CDH8: variants seen among roughly 807,000 people sequenced by gnomAD.
The protein encoded by CDH8 is cadherin-8.
CDH8 carries 17 observed loss-of-function variants against 68.1 expected under a neutral mutation model. The ratio of observed to expected loss-of-function variants is 0.25; its 90% CI spans 0.17 to 0.37. The LOEUF is 0.37. CDH8 is among the 10% of genes least tolerant of loss of function. The pLI is 1.00. For missense variants in CDH8, 763 were observed against 999.3 expected (o/e 0.76, Z 3.19); for synonymous variants, 372 against 365.1 (o/e 1.02, Z -0.21).
At chr16:61,791,906 T>C (rs1961387811) in intron 7 of CDH8, among the ~76,000 whole-genome samples, 1 of 152,014 alleles carries the variant, frequency 6.6e-6, no homozygotes, top group Non-Finnish European at 1.5e-5. Flanking sequence ...TTCAATTTAT[T>C]TGCTGGTGAA....
chr16:62,022,599 G>A (rs1902101113), intron 1 of CDH8, among the ~76,000 whole-genome samples: 1 of 152,138 alleles, frequency 6.6e-6, no homozygotes, highest in African/African-American at 2.4e-5. Flanking sequence ...CAAGAGAGAA[G>A]CTTTGCTGAA....
At chr16:61,820,639 G>A (rs1962193441) in intron 6 of CDH8, among the ~76,000 whole-genome samples, 1 of 151,960 alleles carries the variant, frequency 6.6e-6, no homozygotes, top group Non-Finnish European at 1.5e-5. Context: ...CATAATTGAA[G>A]TGCCCTGTAC....
At chr16:61,979,071 A>G (rs1288174066) in intron 2 of CDH8, among the ~76,000 whole-genome samples, 1 of 151,722 alleles carries the variant, frequency 6.6e-6, no homozygotes, top group African/African-American at 2.4e-5. Flanking sequence ...AAAAAAAAGC[A>G]GAGAGAAATA....
intron 2 of CDH8, among the ~76,000 whole-genome samples, chr16:61,915,866 A>G (rs1964230859): frequency 6.6e-6 from 1 of 152,144 alleles, no homozygotes; most frequent in Non-Finnish European, 1.5e-5. Flanking sequence ...AACCTAGAAG[A>G]TGGAGGTAGA....
chr16:61,815,981 C>G (rs1322954638), intron 7 of CDH8, among the ~76,000 whole-genome samples: 2 of 151,992 alleles, frequency 1.3e-5, no homozygotes, highest in Non-Finnish European at 2.9e-5. Context: ...ATATTCCTCC[C>G]ATTGCATTCA....
chr16:61,698,599 C>G (rs1011305188), intron 10 of CDH8, among the ~76,000 whole-genome samples: 1 of 152,206 alleles, frequency 6.6e-6, no homozygotes. Context: ...GAGGCTCAGA[C>G]TCATTGCAAT....
rs12599673 is a variant in CDH8 at position 61,658,046 on chromosome 16, A to G, written c.1655-2325T>C. Among the ~76,000 whole-genome samples the G allele has an allele frequency of 2.6e-3, 397 of 152,210 alleles. 15 individuals are homozygous for G. The East Asian group carries it at 0.068, about 26-fold the overall frequency. On this transcript the variant is annotated intron_variant, in intron 10 of 11. Coordinates refer to ENST00000577390, the MANE Select transcript of CDH8 (RefSeq NM_001796.5). ...TTGCTAAATTTTACCTGCCAGTTCC[A>G]GGCAACATCAATTCCTTTTTTACCT...
chr16:61,678,129 G>GC (rs1297780473), intron 10 of CDH8, among the ~76,000 whole-genome samples: 1 of 151,842 alleles, frequency 6.6e-6, no homozygotes, highest in Non-Finnish European at 1.5e-5. Context: ...TCTCCCACCT[G>GC]CCCCTTGCTC....
intron 3 of CDH8, among the ~76,000 whole-genome samples, chr16:61,861,790 A>G (rs1963154449): frequency 9.3e-6 from 1 of 107,092 alleles, no homozygotes; most frequent in Non-Finnish European, 1.7e-5. Context: ...AGGAAGGTGA[A>G]CATTATTGTT....
chr16:61,752,456 C>G lies in CDH8; in HGVS notation c.1415-25241G>C, dbSNP rs564576915. ...TGAGATAATATAAGACAAAACTACT[C>G]TAAGTTTTAACAAAGAATTAGGCTT... On this transcript the variant is annotated intron_variant, in intron 8 of 11. Transcript: ENST00000577390. 2.0e-5 allele frequency among the ~76,000 whole-genome samples: 3 copies of G among 152,250 alleles called. No individual in the cohort carries two copies. The East Asian group carries it at 5.8e-4, about 29-fold the overall frequency.
At chr16:61,940,023 T>TCCC (rs1567536750) in intron 2 of CDH8, among the ~76,000 whole-genome samples, 2 of 152,228 alleles carry the variant, frequency 1.3e-5, no homozygotes, top group South Asian at 2.1e-4. Context: ...AGAGGTGCAT[T>TCCC]CCCTTCTTAG....
At position 61,655,739 on chromosome 16, in the gene CDH8, T is replaced by C; in HGVS notation, c.1655-18A>G. The C allele has an allele frequency of 6.2e-7, 1 of 1,608,456 alleles. No homozygotes were observed. Among genetic ancestry groups the C allele is most frequent in the Non-Finnish European group, 8.5e-7 (1 of 1,175,300 alleles). On this transcript the variant is annotated intron_variant, in intron 10 of 11. Coordinates refer to ENST00000577390, the MANE Select transcript of CDH8 (RefSeq NM_001796.5). ...GGAATTATCTGAAAAAAGTAAAAAT[T>C]ACAATAATTTGCATCATTTCAAAAT...
At chr16:61,914,287 A>T (rs1293879211) in intron 2 of CDH8, among the ~76,000 whole-genome samples, 1 of 152,208 alleles carries the variant, frequency 6.6e-6, no homozygotes, top group East Asian at 1.9e-4. Context: ...AAGCAAGCTC[A>T]TACATCTTCC....
At chr16:61,798,553 T>A (rs1567475239) in intron 7 of CDH8, among the ~76,000 whole-genome samples, 1 of 152,320 alleles carries the variant, frequency 6.6e-6, no homozygotes, top group East Asian at 1.9e-4. Context: ...TTCAATGAGC[T>A]GTATTTGGCT....
chr16:61,969,859 G>C (rs1965310966), intron 2 of CDH8, among the ~76,000 whole-genome samples: 2 of 152,204 alleles, frequency 1.3e-5, no homozygotes, highest in South Asian at 4.1e-4. Flanking sequence ...ATAGGTGTGT[G>C]ACTCAAAGCC....
chr16:61,781,650 G>A (rs1301556030), intron 8 of CDH8, among the ~76,000 whole-genome samples: 1 of 152,070 alleles, frequency 6.6e-6, no homozygotes, highest in Non-Finnish European at 1.5e-5. Flanking sequence ...CAGTATATGT[G>A]AAAATTCTTT....
chr16:61,758,136 C>A (rs7201901), intron 8 of CDH8, among the ~76,000 whole-genome samples: 4,314 of 151,914 alleles, frequency 0.028, 196 homozygotes, highest in African/African-American at 0.099. Flanking sequence ...TGAGATCTCA[C>A]AGTAAAGTAA....
chr16:61,695,525 C>T (rs1011050906), intron 10 of CDH8, among the ~76,000 whole-genome samples: 2 of 152,144 alleles, frequency 1.3e-5, no homozygotes, highest in Non-Finnish European at 2.9e-5. Context: ...AACAACCCTG[C>T]AGATTCTGTC....
intron 7 of CDH8, among the ~76,000 whole-genome samples, chr16:61,803,014 T>A (rs1395130020): frequency 1.2e-3 from 80 of 65,066 alleles, no homozygotes; most frequent in Non-Finnish European, 1.8e-3. Flanking sequence ...CACATAATTG[T>A]CAGATTCACC....
Sources: allele counts gnomAD v4.1 joint callset (sites outside exome capture counted in the v4.1 genomes callset), GRCh38; gene constraint gnomAD v4.1.1; transcripts MANE v1.5; gene names NCBI Gene and HGNC (gene_info 2026-07-23, HGNC 2026-07-21).